The following STXBP5L variants were observed in gnomAD, a reference collection of about 807,000 sequenced individuals.
STXBP5L encodes syntaxin-binding protein 5-like.
In STXBP5L, 65 loss-of-function variants were observed where a neutral mutation model predicts 144.5. That is an observed-to-expected ratio of 0.45 (90% CI 0.37 to 0.55). STXBP5L has a LOEUF of 0.55. Ranked by LOEUF, STXBP5L falls within the 20% of genes least tolerant of loss-of-function variation. The pLI, the probability that STXBP5L is intolerant of heterozygous loss-of-function variation, is 0.00. For synonymous variants in STXBP5L, 505 were observed against 469.6 expected, an observed-to-expected ratio of 1.08 and a Z score of -0.97; for missense variants, 1,298 against 1,405.5, an observed-to-expected ratio of 0.92 and a Z score of 1.22.
chr3:121,179,292 C>A (rs1287025569), intron 9 of STXBP5L, among the ~76,000 whole-genome samples: 1 of 151,792 alleles, frequency 6.6e-6, no homozygotes, highest in East Asian at 1.9e-4. Context: ...AAAGCCAGTG[C>A]ACAGAGACTT....
Position 121,420,239 on chromosome 3 carries a change from A to C in STXBP5L, c.*1142A>C, listed in dbSNP as rs980333031. Reference sequence around the variant, plus strand: ...TGATTTACAAGGGCTTTCCTTAGAAAATACCTTTCGGTTTGATACTTACCA... The same window carrying C: ...TGATTTACAAGGGCTTTCCTTAGAACATACCTTTCGGTTTGATACTTACCA... On this transcript the variant is annotated 3_prime_UTR_variant, in exon 27 of 27. Coordinates refer to ENST00000471454, the MANE Select transcript of STXBP5L (RefSeq NM_001308330.2). The C allele has an allele frequency of 6.6e-6, 1 of 152,192 alleles. No homozygotes were observed. Among genetic ancestry groups the C allele is most frequent in the Non-Finnish European group, 1.5e-5 (1 of 68,028 alleles). 9.4% of individuals were successfully genotyped at this position (152,192 alleles called of 1,614,324 possible). A position where few individuals can be genotyped will look rare whatever the true frequency, so the allele number is the denominator to read the frequency against.
chr3:121,289,376 AAC>A (rs912479955), intron 19 of STXBP5L, among the ~76,000 whole-genome samples: 32 of 152,278 alleles, frequency 2.1e-4, no homozygotes, highest in African/African-American at 7.7e-4. Flanking sequence ...ATATGCATCT[AAC>A]ACAGGATCTC....
intron 7 of STXBP5L, among the ~76,000 whole-genome samples, chr3:121,130,900 T>C: frequency 6.6e-6 from 1 of 152,052 alleles, no homozygotes; most frequent in East Asian, 1.9e-4. Flanking sequence ...ATGAAAATAA[T>C]TATCAAAAAC....
At chr3:121,355,440 T>C (rs1434705212) in intron 20 of STXBP5L, among the ~76,000 whole-genome samples, 1 of 152,222 alleles carries the variant, frequency 6.6e-6, no homozygotes, top group Non-Finnish European at 1.5e-5. Flanking sequence ...TAATTTGATA[T>C]TCCATCACTG....
intron 9 of STXBP5L, among the ~76,000 whole-genome samples, chr3:121,177,665 G>A (rs951156264): frequency 1.3e-5 from 2 of 152,180 alleles, no homozygotes; most frequent in Non-Finnish European, 2.9e-5. Context: ...TGGAACATTT[G>A]TGCACTGTTG....
chr3:121,353,031 C>A (rs554080973), intron 20 of STXBP5L, among the ~76,000 whole-genome samples: 9 of 152,172 alleles, frequency 5.9e-5, no homozygotes, highest in Non-Finnish European at 1.0e-4. Flanking sequence ...AGGGAGGAAG[C>A]CAGCCTGATC....
At chr3:121,166,022 TC>T (rs1346975118) in intron 9 of STXBP5L, among the ~76,000 whole-genome samples, 1 of 152,144 alleles carries the variant, frequency 6.6e-6, no homozygotes, top group Non-Finnish European at 1.5e-5. Flanking sequence ...CTTTTTTTTT[TC>T]TTTTTTTGAG....
rs1396637484 is a variant in STXBP5L, at chr3:121,420,889, ATGAG to A, written c.*1796_*1799del. On this transcript the variant is annotated 3_prime_UTR_variant, in exon 27 of 27. Transcript: ENST00000471454. Reference sequence around the variant, plus strand: ...CTCAGTAATTTTGAGGAGAACAAAGATGAGTGAAAGAGTTAGATAATGTACACTA... The same window carrying A: ...CTCAGTAATTTTGAGGAGAACAAAGATGAAAGAGTTAGATAATGTACACTA... 1.3e-5 allele frequency: 2 copies of A among 152,126 alleles called. No homozygotes were observed. The highest frequency in any genetic ancestry group is 3.8e-4 in the East Asian group (2 of 5,200). The allele number at this position is 152,126 out of a possible 1,614,324, so 9.4% of individuals were successfully genotyped here.
chr3:120,996,452 C>A (rs1433412437), intron 3 of STXBP5L, among the ~76,000 whole-genome samples: 1 of 151,998 alleles, frequency 6.6e-6, no homozygotes, highest in Non-Finnish European at 1.5e-5. Context: ...CACATAGTTA[C>A]CATTTTGAGG....
intron 5 of STXBP5L, among the ~76,000 whole-genome samples, chr3:121,096,030 C>T (rs113394017): frequency 0.019 from 2,934 of 152,194 alleles, 90 homozygotes; most frequent in African/African-American, 0.066. Flanking sequence ...GTGCAATTCC[C>T]TGACCCCTTG....
intron 7 of STXBP5L, among the ~76,000 whole-genome samples, chr3:121,124,518 G>A (rs531996979): frequency 4.6e-5 from 7 of 151,860 alleles, no homozygotes; most frequent in Admixed American, 6.6e-5. Context: ...AGCTCAATTC[G>A]ATAAGTACCT....
At chr3:121,234,988 G>GTA (rs1024073083) in intron 12 of STXBP5L, among the ~76,000 whole-genome samples, 146 of 149,242 alleles carry the variant, frequency 9.8e-4, no homozygotes, top group Admixed American at 1.3e-3. Context: ...ACTTTCTTCA[G>GTA]TATATATATA....
At chr3:121,091,110 A>T (rs974200467) in intron 5 of STXBP5L, among the ~76,000 whole-genome samples, 2 of 149,500 alleles carry the variant, frequency 1.3e-5, no homozygotes, top group African/African-American at 5.0e-5. Flanking sequence ...ACATGAACTC[A>T]TCATTTTTTA....
At chr3:121,304,268 A>G (rs2043255482) in intron 19 of STXBP5L, among the ~76,000 whole-genome samples, 1 of 152,206 alleles carries the variant, frequency 6.6e-6, no homozygotes, top group Non-Finnish European at 1.5e-5. Flanking sequence ...AGAAATAGAC[A>G]ATTCTACCAT....
intron 20 of STXBP5L, among the ~76,000 whole-genome samples, chr3:121,323,045 T>A (rs1174426826): frequency 6.6e-6 from 1 of 152,174 alleles, no homozygotes; most frequent in Non-Finnish European, 1.5e-5. Context: ...GAGTTATTTG[T>A]TTTGTGCTTG....
chr3:121,165,985 T>A (rs1393842402), intron 9 of STXBP5L, among the ~76,000 whole-genome samples: 1 of 152,196 alleles, frequency 6.6e-6, no homozygotes, highest in Admixed American at 6.5e-5. Context: ...TATTCTCAAA[T>A]GTATTTTAGA....
chr3:121,300,645 A>T (rs1411805515), intron 19 of STXBP5L, among the ~76,000 whole-genome samples: 1 of 152,156 alleles, frequency 6.6e-6, no homozygotes, highest in East Asian at 1.9e-4. Context: ...AGAGAGGTGT[A>T]GCTAAGAAGC....
intron 2 of STXBP5L, among the ~76,000 whole-genome samples, chr3:120,921,191 CATT>C (rs2107584353): frequency 6.6e-6 from 1 of 152,032 alleles, no homozygotes; most frequent in South Asian, 2.1e-4. Context: ...GATGATATCT[CATT>C]GTAGTTTTGA....
intron 3 of STXBP5L, among the ~76,000 whole-genome samples, chr3:120,986,492 G>A (rs1942298228): frequency 6.6e-6 from 1 of 151,912 alleles, no homozygotes; most frequent in African/African-American, 2.4e-5. Flanking sequence ...TCATAGAACT[G>A]TCTACTTCCT....
Sources: gnomAD v4.1 joint callset for allele counts (sites outside exome capture counted in the v4.1 genomes callset) on GRCh38, gnomAD v4.1.1 for gene constraint, MANE v1.5 for transcripts, NCBI Gene and HGNC (gene_info 2026-07-23, HGNC 2026-07-21) for gene names.